PRKAR1B: variants seen among roughly 807,000 people sequenced by gnomAD.
The protein encoded by PRKAR1B is cAMP-dependent protein kinase type I-beta regulatory subunit.
In PRKAR1B, 22 loss-of-function variants were observed where a neutral mutation model predicts 46.5. The observed-to-expected ratio is 0.47, with a 90% CI of 0.34 to 0.68. The LOEUF is 0.68. PRKAR1B is among the 30% of genes least tolerant of loss of function. The pLI, the probability that PRKAR1B is intolerant of heterozygous loss-of-function variation, is 0.01. For synonymous variants in PRKAR1B, 259 were observed against 217.7 expected (o/e 1.19, Z -1.67); for missense variants, 445 against 535.6 (o/e 0.83, Z 1.67).
At chr7:558,675 C>A (rs1208976130) in intron 9 of PRKAR1B, among the ~76,000 whole-genome samples, 1 of 152,048 alleles carries the variant, frequency 6.6e-6, no homozygotes, top group Non-Finnish European at 1.5e-5. Flanking sequence ...ATTGAATGAA[C>A]CGAGAGGGGG....
intron 4 of PRKAR1B, among the ~76,000 whole-genome samples, chr7:615,005 A>T (rs1270438432): frequency 6.6e-6 from 1 of 151,936 alleles, no homozygotes; most frequent in Non-Finnish European, 1.5e-5. Context: ...TGAGCCCAGG[A>T]GGTTGAGGCT....
Position 560,158 on chromosome 7 carries a change from C to T in PRKAR1B, c.892-8688G>A, listed in dbSNP as rs555180186. ...GTAACTGAATCATGGCATGGGGTGA[C>T]GGTTTTATAAGGGGCTTTCCCCGCT... On this transcript the variant is annotated intron_variant, in intron 9 of 10. Coordinates refer to ENST00000537384, the MANE Select transcript of PRKAR1B (RefSeq NM_001164760.2). The surrounding 1 kb of genome is among the most constrained non-coding windows in gnomAD (Gnocchi z 4.2). Among the ~76,000 whole-genome samples the T allele has an allele frequency of 5.9e-5, 9 of 152,130 alleles. No individual in the cohort carries two copies. The highest frequency in any genetic ancestry group is 2.1e-4 in the South Asian group (1 of 4,822).
intron 4 of PRKAR1B, among the ~76,000 whole-genome samples, chr7:672,231 A>G (rs529204949): frequency 6.6e-6 from 1 of 151,874 alleles, no homozygotes; most frequent in South Asian, 2.1e-4. Context: ...GCTCATTGCA[A>G]TCTCCGCCAC....
chr7:651,639 C>T (rs1047187002), intron 4 of PRKAR1B, among the ~76,000 whole-genome samples: 8 of 146,364 alleles, frequency 5.5e-5, no homozygotes, highest in South Asian at 2.3e-4. Context: ...ACCCACACAG[C>T]GCTAGGAACC....
At position 579,594 on chromosome 7, in the gene PRKAR1B, C is replaced by T. The variant is rs529699331; in HGVS notation, c.770-217G>A. On this transcript the variant is annotated intron_variant, in intron 8 of 10. Coordinates refer to ENST00000537384, the MANE Select transcript of PRKAR1B (RefSeq NM_001164760.2). ...TTTCTTGCAGTCAGTGGGTCCCAGA[C>T]GCATGCAGCTCATGTGCCCTCTTCA... is the stretch of plus-strand genomic sequence containing the variant. Among the ~76,000 whole-genome samples, 61 of 152,358 alleles carry T rather than the reference C, an allele frequency of 4.0e-4. No individual in the cohort carries two copies. The South Asian group carries it at 7.5e-3, about 19-fold the overall frequency.
rs1180931731 is a variant in PRKAR1B at position 714,861 on chromosome 7, C to A, written c.-22-3334G>T. Among the ~76,000 whole-genome samples, 2 of 152,194 alleles carry A rather than the reference C, an allele frequency of 1.3e-5. No individual in the cohort carries two copies. Among genetic ancestry groups the A allele is most frequent in the Non-Finnish European group, 2.9e-5 (2 of 68,038 alleles). ...CCTCAAACCAAACCTGAGGCCCTTC[C>A]CGTATCTGGACTTCCCAATTATGTT... is the stretch of plus-strand genomic sequence containing the variant. On this transcript the variant is annotated intron_variant, in intron 1 of 10. Transcript: ENST00000537384. The surrounding 1 kb of genome is among the most constrained non-coding windows in gnomAD (Gnocchi z 4.3).
intron 4 of PRKAR1B, among the ~76,000 whole-genome samples, chr7:623,721 A>T (rs1783232041): frequency 6.6e-6 from 1 of 152,160 alleles, no homozygotes; most frequent in African/African-American, 2.4e-5. Context: ...CCACCGCAAG[A>T]CCCCATTGCA....
chr7:657,919 C>G (rs187253175), intron 4 of PRKAR1B, among the ~76,000 whole-genome samples: 1 of 152,142 alleles, frequency 6.6e-6, no homozygotes, highest in Admixed American at 6.5e-5. Flanking sequence ...TCCCACTGAG[C>G]CCAGCTTTGC....
At chr7:706,883 A>G (rs1780359507) in intron 2 of PRKAR1B, among the ~76,000 whole-genome samples, 1 of 152,188 alleles carries the variant, frequency 6.6e-6, no homozygotes, top group Non-Finnish European at 1.5e-5. Flanking sequence ...CCTCACAAAC[A>G]TGCACCCTGC....
rs1196844994 is a variant in PRKAR1B at position 666,961 on chromosome 7, TGATGATGATGATGGTGATGATAAA to T, written c.440+10244_440+10267del. Among the ~76,000 whole-genome samples the T allele has an allele frequency of 6.6e-6, 1 of 152,032 alleles. No individual in the cohort carries two copies. Among genetic ancestry groups the T allele is most frequent in the African/African-American group, 2.4e-5 (1 of 41,384 alleles). On this transcript the variant is annotated intron_variant, in intron 4 of 10. Transcript: ENST00000537384. The surrounding 1 kb of genome is among the most constrained non-coding windows in gnomAD (Gnocchi z 4.9). ...ACCACAACAGTGATGATGATGGCGG[TGATGATGATGATGGTGATGATAAA>T]GATGATGATGGCAATGGTGGTGATG...
At chr7:606,920 A>G (rs1366755758) in intron 5 of PRKAR1B, among the ~76,000 whole-genome samples, 6 of 152,138 alleles carry the variant, frequency 3.9e-5, no homozygotes, top group East Asian at 1.9e-4. Context: ...GTATACATGT[A>G]CACACATATG....
chr7:698,918 A>C (rs533424789), intron 2 of PRKAR1B, among the ~76,000 whole-genome samples: 5 of 152,312 alleles, frequency 3.3e-5, no homozygotes, highest in African/African-American at 1.2e-4. Context: ...ACGCAGCAGC[A>C]GCAGCTGGTG....
chr7:606,099 G>A (rs891436268), intron 6 of PRKAR1B, 94 bp downstream of exon 6: 1 of 1,237,768 alleles, frequency 8.1e-7, no homozygotes, highest in African/African-American at 1.5e-5. Context: ...TCAGCGCAGT[G>A]TTTGTTGGGG....
chr7:558,531 A>G (rs1413283739), intron 9 of PRKAR1B, among the ~76,000 whole-genome samples: 1 of 151,956 alleles, frequency 6.6e-6, no homozygotes, highest in Admixed American at 6.6e-5. Context: ...CGAGGTGGGC[A>G]GATCACCTGA....
intron 4 of PRKAR1B, among the ~76,000 whole-genome samples, chr7:613,334 C>T (rs2128469563): frequency 6.7e-6 from 1 of 149,914 alleles, no homozygotes; most frequent in African/African-American, 2.5e-5. Flanking sequence ...TGAGGCCGTT[C>T]ATCATTGGAG....
At chr7:625,538 G>A (rs1783338984) in intron 4 of PRKAR1B, among the ~76,000 whole-genome samples, 1 of 152,050 alleles carries the variant, frequency 6.6e-6, no homozygotes, top group South Asian at 2.1e-4. Flanking sequence ...ATCACTACAG[G>A]TCCCATGGAC....
chr7:652,946 G>T (rs1289557531), intron 4 of PRKAR1B, among the ~76,000 whole-genome samples: 1 of 152,204 alleles, frequency 6.6e-6, no homozygotes, highest in Non-Finnish European at 1.5e-5. Flanking sequence ...TCCACACAGG[G>T]TGGTTGGTGG....
chr7:670,846 C>T (rs1583394184), intron 4 of PRKAR1B, among the ~76,000 whole-genome samples: 2 of 151,972 alleles, frequency 1.3e-5, no homozygotes, highest in South Asian at 2.1e-4. Context: ...GGCTCCGGAC[C>T]GAGGACAGCC....
chr7:609,793 T>A (rs1363888868), intron 4 of PRKAR1B, among the ~76,000 whole-genome samples: 1 of 152,082 alleles, frequency 6.6e-6, no homozygotes, highest in African/African-American at 2.4e-5. Context: ...CAGGCTGGAG[T>A]ATAGGGGTGC....
Sources: gnomAD v4.1 joint callset for allele counts (sites outside exome capture counted in the v4.1 genomes callset) on GRCh38, gnomAD v4.1.1 for gene constraint, Gnocchi (gnomAD v3.1) non-coding constraint, MANE v1.5 for transcripts, NCBI Gene and HGNC (gene_info 2026-07-23, HGNC 2026-07-21) for gene names.